Variants in ITGA8 observed in about 807,000 individuals in gnomAD.
The protein encoded by ITGA8 is integrin alpha-8.
Under a neutral mutation model 142.3 loss-of-function variants are expected in ITGA8, and 91 were observed. The observed-to-expected ratio is 0.64, with a 90% CI of 0.54 to 0.76. The LOEUF (loss-of-function observed/expected upper bound fraction) is 0.76. Among genes scored for constraint, ITGA8 ranks in the 30% least tolerant of loss-of-function variants. The probability of loss-of-function intolerance (pLI) is 0.00; values close to 1 mark genes in which losing one functional copy is unlikely to be tolerated. For synonymous variants in ITGA8, 505 were observed against 485.2 expected (o/e 1.04, Z -0.54); for missense variants, 1,406 against 1,327.7 (o/e 1.06, Z -0.92).
intron 2 of ITGA8, among the ~76,000 whole-genome samples, chr10:15,695,096 C>T (rs143127835): frequency 2.6e-5 from 4 of 152,112 alleles, no homozygotes; most frequent in Non-Finnish European, 5.9e-5. Flanking sequence ...CCCAAGATAT[C>T]CTTTCTGCCA....
chr10:15,627,592 C>A (rs976278244), intron 13 of ITGA8, among the ~76,000 whole-genome samples: 1 of 152,158 alleles, frequency 6.6e-6, no homozygotes, highest in Non-Finnish European at 1.5e-5. Flanking sequence ...ATGAAAGAGG[C>A]CTTTGTTGCT....
chr10:15,719,074 C>G (rs1835508444), intron 1 of ITGA8, among the ~76,000 whole-genome samples, 175 bp from the exon 2 acceptor site: 1 of 152,242 alleles, frequency 6.6e-6, no homozygotes, highest in Admixed American at 6.5e-5. Flanking sequence ...GGGTCCGCAA[C>G]CTGGTTTGCA....
intron 6 of ITGA8, among the ~76,000 whole-genome samples, chr10:15,675,427 G>A (rs554214274): frequency 6.6e-6 from 1 of 151,988 alleles, no homozygotes. Context: ...CCATCATTTA[G>A]GCTGCTTATT....
chr10:15,719,767 G>A lies in ITGA8; in HGVS notation c.5C>T (p.Ser2Leu). Residue 2 changes from serine to leucine, a missense_variant, in exon 1 of 30, where the codon TCG becomes TTG. Physicochemically the swap from Ser to Leu is moderately radical, Grantham distance 145. Transcript: ENST00000378076. M[S>L]PGASRGPRGS... Reference sequence around the variant, plus strand: ...CCGGGGACCGCGGCTGGCCCCGGGCGACATCTCCCTCCGCCCCGGTGGGTG... The same window carrying A: ...CCGGGGACCGCGGCTGGCCCCGGGCAACATCTCCCTCCGCCCCGGTGGGTG... 4.4e-6 allele frequency: 6 copies of A among 1,349,224 alleles called. No individual in the cohort carries two copies. Among genetic ancestry groups the A allele is most frequent in the African/African-American group, 3.1e-5 (2 of 64,894 alleles). 83.6% of individuals were successfully genotyped at this position (1,349,224 alleles called of 1,614,324 possible).
chr10:15,665,102 C>G (rs1390271819), intron 8 of ITGA8, among the ~76,000 whole-genome samples: 1 of 152,296 alleles, frequency 6.6e-6, no homozygotes, highest in Non-Finnish European at 1.5e-5. Flanking sequence ...CTGACTTCCA[C>G]AATGGTTGAA....
At chr10:15,667,070 T>C (rs2131679572) in intron 8 of ITGA8, among the ~76,000 whole-genome samples, 1 of 152,324 alleles carries the variant, frequency 6.6e-6, no homozygotes, top group Middle Eastern at 3.4e-3. Context: ...TTTCTATTGA[T>C]TGGAATAGTT....
intron 28 of ITGA8, among the ~76,000 whole-genome samples, chr10:15,525,779 GTTC>G (rs1200623019): frequency 4.6e-5 from 7 of 151,056 alleles, no homozygotes; most frequent in Non-Finnish European, 8.8e-5. Context: ...CATGTAATTG[GTTC>G]TTTATTATGA....
intron 3 of ITGA8, among the ~76,000 whole-genome samples, chr10:15,686,833 T>C (rs1834840888): frequency 6.6e-6 from 1 of 152,184 alleles, no homozygotes; most frequent in Admixed American, 6.5e-5. Flanking sequence ...ATTATTGTAG[T>C]TTCCATTGTT....
At chr10:15,535,223 CT>C (rs1833401883) in intron 27 of ITGA8, among the ~76,000 whole-genome samples, 1 of 152,132 alleles carries the variant, frequency 6.6e-6, no homozygotes, top group African/African-American at 2.4e-5. Context: ...TCCCCCCACC[CT>C]CCGTGGGCTC....
chr10:15,549,792 T>G (rs568065268), intron 26 of ITGA8, among the ~76,000 whole-genome samples: 8 of 152,238 alleles, frequency 5.3e-5, no homozygotes, highest in African/African-American at 1.9e-4. Context: ...CCAAGGAACA[T>G]ATTACGACAA....
chr10:15,588,787 A>G (rs1249578465), intron 22 of ITGA8, among the ~76,000 whole-genome samples: 1 of 152,362 alleles, frequency 6.6e-6, no homozygotes, highest in South Asian at 2.1e-4. Flanking sequence ...GACATTGAAC[A>G]TTGAAATCAT....
chr10:15,653,745 T>G (rs1834130997), intron 11 of ITGA8, among the ~76,000 whole-genome samples: 1 of 152,222 alleles, frequency 6.6e-6, no homozygotes, highest in Admixed American at 6.5e-5. Context: ...ATTAGAATCA[T>G]ATAGCATGTA....
Position 15,628,229 on chromosome 10 carries a change from T to C in ITGA8, c.1400-11670A>G, listed in dbSNP as rs576575149. Among the ~76,000 whole-genome samples the C allele has an allele frequency of 6.9e-4, 104 of 151,780 alleles. 1 individual carries two copies. Among genetic ancestry groups the C allele is most frequent in the Non-Finnish European group, 6.8e-4 (46 of 67,954 alleles). ...TAAGTATAAGCAGCTGAGCGGCCCA[T>C]ATGCTGCCGCTCTGCCTATGGCAGC... is the stretch of plus-strand genomic sequence containing the variant. On this transcript the variant is annotated intron_variant, in intron 13 of 29. Coordinates refer to ENST00000378076, the MANE Select transcript of ITGA8 (RefSeq NM_003638.3).
intron 25 of ITGA8, among the ~76,000 whole-genome samples, chr10:15,563,927 A>AAC (rs1554773033): frequency 1.5e-4 from 23 of 151,526 alleles, no homozygotes; most frequent in Admixed American, 4.6e-4. Flanking sequence ...CCAAAAAAAA[A>AAC]AAAAACAAAA....
intron 20 of ITGA8, among the ~76,000 whole-genome samples, chr10:15,602,195 A>G (rs866240643): frequency 6.6e-6 from 1 of 152,240 alleles, no homozygotes; most frequent in Non-Finnish European, 1.5e-5. Flanking sequence ...GAGCTCTGGA[A>G]TATTAAAAAC....
At chr10:15,667,860 T>G (rs1292825408) in intron 8 of ITGA8, among the ~76,000 whole-genome samples, 1 of 152,188 alleles carries the variant, frequency 6.6e-6, no homozygotes, top group Non-Finnish European at 1.5e-5. Context: ...GAGTTCTAGT[T>G]TGATTGCACT....
rs79886782 is a variant in ITGA8, at chr10:15,534,288, T to A, written c.2881-3137A>T. Among the ~76,000 whole-genome samples the A allele has an allele frequency of 7.1e-3, 1,083 of 152,340 alleles. 8 individuals carry two copies. Among genetic ancestry groups the A allele is most frequent in the African/African-American group, 0.024 (1,013 of 41,564 alleles). On this transcript the variant is annotated intron_variant, in intron 27 of 29. Transcript: ENST00000378076. ...TGAGATCAGTCTCAGAGATTCTGATTCAGTGAGACTGAGATGAGACTGTAT... is the reference window on the plus strand; with the variant it reads ...TGAGATCAGTCTCAGAGATTCTGATACAGTGAGACTGAGATGAGACTGTAT...
At chr10:15,689,706 A>G (rs1482631660) in intron 2 of ITGA8, among the ~76,000 whole-genome samples, 1 of 152,226 alleles carries the variant, frequency 6.6e-6, no homozygotes, top group Non-Finnish European at 1.5e-5. Context: ...GCCACTAGCC[A>G]CTGCATCCCT....
rs746281661 is a variant in ITGA8, at chr10:15,519,270, A to T, written c.3105+20T>A. The stretch of plus-strand genomic sequence containing the variant: ...AACAGCCCCTCTAGTTTAAAAGGAA[A>T]ACAAAGTAAATCAACTTACCTTCCA... On this transcript the variant is annotated intron_variant, in intron 29 of 29. Coordinates refer to ENST00000378076, the MANE Select transcript of ITGA8 (RefSeq NM_003638.3). 6.2e-7 allele frequency: 1 copy of T among 1,612,678 alleles called. No individual in the cohort carries two copies. Among genetic ancestry groups the T allele is most frequent in the South Asian group, 1.1e-5 (1 of 90,820 alleles).
Sources: allele counts gnomAD v4.1 joint callset (sites outside exome capture counted in the v4.1 genomes callset), GRCh38; gene constraint gnomAD v4.1.1; transcripts MANE v1.5; gene names NCBI Gene and HGNC (gene_info 2026-07-23, HGNC 2026-07-21).